EPHA6: variants seen among roughly 807,000 people sequenced by gnomAD.
The protein encoded by EPHA6 is EPH receptor A6.
In EPHA6, 50 loss-of-function variants were observed where a neutral mutation model predicts 112.0. The ratio of observed to expected loss-of-function variants is 0.45; its 90% CI spans 0.36 to 0.56. The LOEUF is 0.56. Among genes scored for constraint, EPHA6 ranks in the 20% least tolerant of loss-of-function variants. The probability of loss-of-function intolerance (pLI) is 0.00; values close to 1 mark genes in which losing one functional copy is unlikely to be tolerated. For synonymous variants in EPHA6, 529 were observed against 490.7 expected, an observed-to-expected ratio of 1.08 and a Z score of -1.03; for missense variants, 1,280 against 1,417.4, an observed-to-expected ratio of 0.90 and a Z score of 1.56.
chr3:97,163,548 G>C (rs1355662175), intron 3 of EPHA6, among the ~76,000 whole-genome samples: 1 of 152,098 alleles, frequency 6.6e-6, no homozygotes, highest in Non-Finnish European at 1.5e-5. Flanking sequence ...CACCTCCTTA[G>C]GAGTCACAAT....
rs190748054 is a variant in EPHA6 at position 97,245,409 on chromosome 3, C to G, written c.1606+1122C>G. ...ATATGATCTCATTTTACCTTAATTA[C>G]TCTTTAGAGACCCCATTTCTAAATG... On this transcript the variant is annotated intron_variant, in intron 5 of 17. Coordinates refer to ENST00000389672, the MANE Select transcript of EPHA6 (RefSeq NM_001080448.3). Among the ~76,000 whole-genome samples the G allele has an allele frequency of 9.9e-5, 15 of 152,044 alleles. No homozygotes were observed. In the South Asian group the frequency reaches 3.1e-3, roughly 31 times the overall value.
At chr3:97,492,299 T>C (rs2091860305) in intron 10 of EPHA6, among the ~76,000 whole-genome samples, 2 of 151,696 alleles carry the variant, frequency 1.3e-5, no homozygotes, top group Admixed American at 1.3e-4. Flanking sequence ...TCCCAGCACT[T>C]TGGGAGGCCG....
At chr3:97,525,456 A>T (rs1344060814) in intron 10 of EPHA6, among the ~76,000 whole-genome samples, 1 of 152,080 alleles carries the variant, frequency 6.6e-6, no homozygotes, top group Non-Finnish European at 1.5e-5. Context: ...CTTGAAGATG[A>T]GCATTTTGAA....
chr3:97,191,518 T>A (rs1275871180), intron 3 of EPHA6, among the ~76,000 whole-genome samples: 1 of 152,050 alleles, frequency 6.6e-6, no homozygotes, highest in Non-Finnish European at 1.5e-5. Context: ...TCTATTTTTG[T>A]GAGTTCAATG....
In EPHA6 at chr3:97,532,347, C is replaced by A. The variant is rs749232715; in HGVS notation, c.2201-11C>A. ...GTTTAATCAAATAACTGCTTTTGTTCATATTTTAAGGTGAATTTGGAGAAG... is the reference window on the plus strand; with the variant it reads ...GTTTAATCAAATAACTGCTTTTGTTAATATTTTAAGGTGAATTTGGAGAAG... On this transcript the variant is annotated splice_polypyrimidine_tract_variant and intron_variant, in intron 10 of 17. Transcript: ENST00000389672. 6.3e-7 allele frequency: 1 copy of A among 1,589,504 alleles called. No individual in the cohort carries two copies. Among genetic ancestry groups the A allele is most frequent in the South Asian group, 1.1e-5 (1 of 87,618 alleles).
chr3:97,127,870 G>GT (rs759063632), intron 3 of EPHA6, among the ~76,000 whole-genome samples: 306 of 147,254 alleles, frequency 2.1e-3, no homozygotes, highest in East Asian at 6.3e-3. Context: ...ATATTCTTTA[G>GT]TTTTTTTTTT....
intron 2 of EPHA6, among the ~76,000 whole-genome samples, chr3:96,940,662 G>A (rs2040886998): frequency 6.6e-6 from 1 of 152,124 alleles, no homozygotes; most frequent in Admixed American, 6.6e-5. Flanking sequence ...TGGTTATTTT[G>A]TTCGTTAGTT....
At chr3:96,997,849 T>A (rs1436630093) in intron 3 of EPHA6, among the ~76,000 whole-genome samples, 1 of 152,006 alleles carries the variant, frequency 6.6e-6, no homozygotes, top group Admixed American at 6.6e-5. Flanking sequence ...CCAATAGCCT[T>A]GCTTGATGCA....
intron 5 of EPHA6, among the ~76,000 whole-genome samples, chr3:97,360,941 A>G (rs968017890): frequency 3.3e-5 from 5 of 152,152 alleles, no homozygotes; most frequent in South Asian, 2.1e-4. Flanking sequence ...TGTTGGCTCT[A>G]TTAGCTCAGT....
At chr3:97,521,061 T>C (rs1371928091) in intron 10 of EPHA6, among the ~76,000 whole-genome samples, 1 of 152,048 alleles carries the variant, frequency 6.6e-6, no homozygotes, top group Non-Finnish European at 1.5e-5. Flanking sequence ...TCTTTTTTTA[T>C]AATATCTATC....
intron 11 of EPHA6, among the ~76,000 whole-genome samples, chr3:97,588,816 GT>G (rs2093515729): frequency 6.6e-6 from 1 of 152,122 alleles, no homozygotes; most frequent in African/African-American, 2.4e-5. Flanking sequence ...TTACACAAAT[GT>G]TTTTTGACAA....
At position 97,754,761 on chromosome 3, in the gene EPHA6, T is replaced by C. The variant is rs1408712682; in HGVS notation, c.*6060T>C. 1.3e-5 allele frequency among the ~76,000 whole-genome samples: 2 copies of C among 152,208 alleles called. No individual in the cohort carries two copies. Among genetic ancestry groups the C allele is most frequent in the Non-Finnish European group, 2.9e-5 (2 of 68,040 alleles). ...CTCTGTCGCCTAGGCTGGAGTGCAG[T>C]GGCGAGATCTCGGCTCACTGCTAAC... On this transcript the variant is annotated 3_prime_UTR_variant, in exon 18 of 18. Coordinates refer to ENST00000389672, the MANE Select transcript of EPHA6 (RefSeq NM_001080448.3).
In EPHA6 at chr3:97,754,850, T is replaced by TC. The variant is rs2035987561; in HGVS notation, c.*6151dup. Among the ~76,000 whole-genome samples the TC allele has an allele frequency of 6.6e-6, 1 of 152,186 alleles. No individual in the cohort carries two copies. On this transcript the variant is annotated 3_prime_UTR_variant, in exon 18 of 18. Coordinates refer to ENST00000389672, the MANE Select transcript of EPHA6 (RefSeq NM_001080448.3). ...TCCAGAGTAGCTGGAACTACAGGCG[T>TC]CCGTCACCACGCCCGGCTAATTTTT...
At chr3:97,027,968 A>C (rs2044700110) in intron 3 of EPHA6, among the ~76,000 whole-genome samples, 1 of 152,216 alleles carries the variant, frequency 6.6e-6, no homozygotes, top group African/African-American at 2.4e-5. Flanking sequence ...TTGCGTGTCT[A>C]GAATTCCCTT....
chr3:97,230,131 A>G (rs1268783327), intron 4 of EPHA6, among the ~76,000 whole-genome samples: 1 of 152,132 alleles, frequency 6.6e-6, no homozygotes, highest in African/African-American at 2.4e-5. Context: ...TATGTAGGAA[A>G]CTGAATGGAG....
At chr3:96,975,616 A>G (rs1684574099) in intron 2 of EPHA6, among the ~76,000 whole-genome samples, 1 of 152,202 alleles carries the variant, frequency 6.6e-6, no homozygotes, top group Non-Finnish European at 1.5e-5. Flanking sequence ...CATTACATCC[A>G]AGGTAACCTT....
intron 6 of EPHA6, among the ~76,000 whole-genome samples, chr3:97,442,069 CTT>C (rs1370074777): frequency 6.6e-6 from 1 of 152,040 alleles, no homozygotes; most frequent in Non-Finnish European, 1.5e-5. Context: ...TAGATTAAAA[CTT>C]CGGATGAATC....
At chr3:97,552,745 T>G (rs1433979407) in intron 11 of EPHA6, among the ~76,000 whole-genome samples, 1 of 152,176 alleles carries the variant, frequency 6.6e-6, no homozygotes, top group Non-Finnish European at 1.5e-5. Context: ...CCAAATTTTG[T>G]CCATAAAGCA....
chr3:97,709,800 G>T (rs1399939195), intron 14 of EPHA6, among the ~76,000 whole-genome samples: 2 of 152,124 alleles, frequency 1.3e-5, no homozygotes, highest in African/African-American at 4.8e-5. Context: ...AAATATGATG[G>T]TTTAAAAGTA....
Sources: allele counts gnomAD v4.1 joint callset (sites outside exome capture counted in the v4.1 genomes callset), GRCh38; gene constraint gnomAD v4.1.1; transcripts MANE v1.5; gene names NCBI Gene and HGNC (gene_info 2026-07-23, HGNC 2026-07-21).